Variants in IPO8 observed in about 807,000 individuals in gnomAD.
IPO8 encodes the protein importin-8.
Under a neutral mutation model 141.2 loss-of-function variants are expected in IPO8, and 65 were observed. That is an observed-to-expected ratio of 0.46 (90% CI 0.38 to 0.57). IPO8 has a LOEUF of 0.57. Ranked by LOEUF, IPO8 falls within the 20% of genes least tolerant of loss-of-function variation. The pLI is 0.00. For missense variants in IPO8, 980 were observed against 1,246.8 expected (o/e 0.79, Z 3.22); for synonymous variants, 411 against 420.3 (o/e 0.98, Z 0.27).
rs772826489 is a variant in IPO8 at position 30,631,994 on chromosome 12, C to T, written c.2917G>A (p.Ala973Thr). The T allele has an allele frequency of 1.9e-6, 3 of 1,612,212 alleles. No individual in the cohort carries two copies. The highest frequency in any genetic ancestry group is 2.5e-6 in the Non-Finnish European group (3 of 1,179,622). The change falls in exon 24 of 25, where the codon GCA (alanine) becomes ACA (threonine). Residue 973 changes from alanine to threonine, a missense_variant. Ala to Thr is a moderately conservative substitution (Grantham distance 58, BLOSUM62 0). This residue lies in a region of IPO8 where 924 missense variants were observed against 1,153.9 expected (regional missense o/e 0.80). Transcript: ENST00000256079. Reference sequence around the variant, plus strand: ...GCCATCAGCAGCTGGTACCAGGCTGCATCTCGACTCTGCACAGCTGTTGCA... The same window carrying T: ...GCCATCAGCAGCTGGTACCAGGCTGTATCTCGACTCTGCACAGCTGTTGCA... Reference protein sequence around the residue: ...QALITVQSRDAAWYQLLMAPL... With the variant: ...QALITVQSRDTAWYQLLMAPL...
At chr12:30,678,505 T>C (rs1163243390) in intron 5 of IPO8, among the ~76,000 whole-genome samples, 1 of 152,172 alleles carries the variant, frequency 6.6e-6, no homozygotes, top group African/African-American at 2.4e-5. Context: ...TAGTAGGCTA[T>C]AGCATCTAGG....
intron 2 of IPO8, among the ~76,000 whole-genome samples, chr12:30,689,999 A>G (rs2053276403): frequency 6.6e-6 from 1 of 152,264 alleles, no homozygotes; most frequent in Non-Finnish European, 1.5e-5. Flanking sequence ...GTACAACATC[A>G]TGAAACAACG....
At chr12:30,639,298 G>T (rs7955749) in intron 21 of IPO8, among the ~76,000 whole-genome samples, 2 of 151,658 alleles carry the variant, frequency 1.3e-5, no homozygotes, top group African/African-American at 4.9e-5. Context: ...AAATAAAAGC[G>T]GGAAAGGGCT....
chr12:30,676,468 C>A, intron 6 of IPO8, 30 bp downstream of exon 6: 1 of 1,514,846 alleles, frequency 6.6e-7, no homozygotes, highest in South Asian at 1.1e-5. Context: ...CCCGTTTCCC[C>A]TATTTTTCTT....
At chr12:30,668,905 TC>T (rs1392960017) in intron 10 of IPO8, among the ~76,000 whole-genome samples, 1 of 152,062 alleles carries the variant, frequency 6.6e-6, no homozygotes, top group African/African-American at 2.4e-5. Flanking sequence ...AAACGGATGG[TC>T]CCTGCAGATC....
intron 3 of IPO8, 133 bp from the exon 4 acceptor site, chr12:30,681,950 G>A: frequency 1.6e-6 from 1 of 626,690 alleles, no homozygotes; most frequent in Non-Finnish European, 2.5e-6. Context: ...GTGGGGTAGG[G>A]GAAAAAGACA....
chr12:30,675,338 T>C (rs2136164418), intron 6 of IPO8, among the ~76,000 whole-genome samples: 1 of 152,316 alleles, frequency 6.6e-6, no homozygotes, highest in East Asian at 1.9e-4. Context: ...GCATTCTCAG[T>C]CACTGCTTAT....
At chr12:30,636,381 C>T (rs2052501650) in intron 22 of IPO8, among the ~76,000 whole-genome samples, 1 of 152,066 alleles carries the variant, frequency 6.6e-6, no homozygotes, top group Admixed American at 6.6e-5. Flanking sequence ...TCCGCAATCT[C>T]ATCATTAAAC....
Position 30,674,690 on chromosome 12 carries a change from C to A in IPO8, c.793G>T (p.Ala265Ser). 1 of 1,613,208 alleles carries A rather than the reference C, an allele frequency of 6.2e-7. No individual in the cohort carries two copies. The highest frequency in any genetic ancestry group is 8.5e-7 in the Non-Finnish European group (1 of 1,179,360). Residue 265 changes from alanine to serine, a missense_variant, in exon 7 of 25, where the codon GCA (alanine) becomes TCA (serine). By Grantham distance (99) the Ala-to-Ser change is moderately conservative. Around this residue, in one of 3 missense-constraint regions of IPO8, gnomAD observed 924 missense variants for 1,153.9 expected, o/e 0.80. Coordinates refer to ENST00000256079, the MANE Select transcript of IPO8 (RefSeq NM_006390.4). Reference sequence around the variant, plus strand: ...AAGAGCCGAGCTACAATATGCAGTGCCCACTTCTTACACTTCCACCATACC... The same window carrying A: ...AAGAGCCGAGCTACAATATGCAGTGACCACTTCTTACACTTCCACCATACC... The part of the protein sequence containing the change: ...ELVWWKCKKW[A>S]LHIVARLFER...
At chr12:30,683,778 T>C (rs1334453749) in intron 3 of IPO8, among the ~76,000 whole-genome samples, 1 of 152,244 alleles carries the variant, frequency 6.6e-6, no homozygotes, top group East Asian at 1.9e-4. Context: ...ACTACTGCTC[T>C]ACAGCATCTA....
chr12:30,677,379 G>A, intron 5 of IPO8: 1 of 337,532 alleles, frequency 3.0e-6, no homozygotes, highest in Non-Finnish European at 5.9e-6. Flanking sequence ...TGAATTGCCA[G>A]CTGTATAAAG....
chr12:30,675,843 C>CA (rs753913602), intron 6 of IPO8, among the ~76,000 whole-genome samples: 8,565 of 70,786 alleles, frequency 0.12, 359 homozygotes, highest in African/African-American at 0.2. Context: ...GACTCTGTCT[C>CA]AAAAAAAAAA....
At chr12:30,645,232 G>C (rs1041851558) in intron 20 of IPO8, among the ~76,000 whole-genome samples, 13 of 151,856 alleles carry the variant, frequency 8.6e-5, no homozygotes, top group African/African-American at 2.9e-4. Context: ...AATTAGCTGG[G>C]TGTGATGGCG....
At chr12:30,656,801 AAATTT>A in intron 16 of IPO8, 51 bp from the exon 17 acceptor site, 1 of 857,488 alleles carries the variant, frequency 1.2e-6, no homozygotes, top group Non-Finnish European at 1.8e-6. Context: ...ATTAATACAT[AAATTT>A]AATATTGTGC....
chr12:30,671,126 A>G, intron 8 of IPO8, 30 bp from the exon 9 acceptor site: 1 of 1,460,648 alleles, frequency 6.8e-7, no homozygotes, highest in Non-Finnish European at 9.5e-7. Context: ...ACAGACTAAC[A>G]TAAACAATTA....
intron 20 of IPO8, among the ~76,000 whole-genome samples, chr12:30,639,975 A>G (rs1420926360): frequency 6.6e-6 from 1 of 152,240 alleles, no homozygotes; most frequent in African/African-American, 2.4e-5. Flanking sequence ...TAAGTAAATT[A>G]AAGTCAGCTG....
At chr12:30,641,698 A>G (rs1335097933) in intron 20 of IPO8, among the ~76,000 whole-genome samples, 1 of 151,828 alleles carries the variant, frequency 6.6e-6, no homozygotes, top group Admixed American at 6.6e-5. Flanking sequence ...CTTAGAGATA[A>G]AAAGAGCTAC....
intron 20 of IPO8, among the ~76,000 whole-genome samples, chr12:30,646,814 TAAAG>T (rs1268137389): frequency 6.6e-6 from 1 of 152,036 alleles, no homozygotes; most frequent in Non-Finnish European, 1.5e-5. Context: ...TGAAAGAAAT[TAAAG>T]AAAACCTAAA....
Position 30,634,120 on chromosome 12 carries a change from A to T in IPO8, c.2862T>A (p.Ser954Arg). ...GTGTAAAAAACTGATATTCATCCAC[A>T]CTATTGTCAAGGTCAAGTGGAGTAC... ...GFSTPLDLDN[S>R]VDEYQFFTQA... Residue 954 changes from serine (S) to arginine (R), a missense_variant, in exon 23 of 25, where the codon AGT (serine) becomes AGA (arginine). Coordinates refer to ENST00000256079, the MANE Select transcript of IPO8 (RefSeq NM_006390.4). 6.2e-7 allele frequency: 1 copy of T among 1,613,972 alleles called. No individual in the cohort carries two copies.
Sources: gnomAD v4.1 joint callset for allele counts (sites outside exome capture counted in the v4.1 genomes callset) on GRCh38, gnomAD v4.1.1 for gene constraint, gnomAD v4.1.1 regional missense constraint, MANE v1.5 for transcripts, NCBI Gene and HGNC (gene_info 2026-07-23, HGNC 2026-07-21) for gene names.